The following KCNMA1 variants were observed in gnomAD, a reference collection of about 807,000 sequenced individuals.
The protein encoded by KCNMA1 is Calcium-activated potassium channel subunit alpha-1.
In KCNMA1, 29 loss-of-function variants were observed where a neutral mutation model predicts 140.0. The observed-to-expected ratio is 0.21, with a 90% CI of 0.15 to 0.28. The LOEUF is 0.28. Ranked by LOEUF, KCNMA1 falls within the 10% of genes least tolerant of loss-of-function variation. The probability of loss-of-function intolerance (pLI) is 1.00; values close to 1 mark genes in which losing one functional copy is unlikely to be tolerated. For synonymous variants in KCNMA1, 612 were observed against 611.9 expected, an observed-to-expected ratio of 1.00 and a Z score of 0.00; for missense variants, 880 against 1,602.2, an observed-to-expected ratio of 0.55 and a Z score of 7.70.
At position 77,041,673 on chromosome 10, in the gene KCNMA1, A is replaced by T. The variant is rs1425338534; in HGVS notation, c.1750-2036T>A. On this transcript the variant is annotated intron_variant, in intron 14 of 27. Coordinates refer to ENST00000286628, the MANE Select transcript of KCNMA1 (RefSeq NM_001161352.2). ...GTTGAGCCGCTATGGGAGCTTAGGG[A>T]TCTCACAGGCCTCCCTGAGGGAAGG... is the stretch of plus-strand genomic sequence containing the variant. 2.0e-5 allele frequency among the ~76,000 whole-genome samples: 3 copies of T among 152,170 alleles called. No homozygotes were observed. The East Asian group carries it at 5.8e-4, about 29-fold the overall frequency.
chr10:77,556,490 G>A (rs1254498713), intron 1 of KCNMA1, among the ~76,000 whole-genome samples: 1 of 123,018 alleles, frequency 8.1e-6, no homozygotes, highest in Admixed American at 9.1e-5. Context: ...GGACAACAGA[G>A]TGGGACTATC....
chr10:77,287,326 CA>C (rs1212791853), intron 2 of KCNMA1, among the ~76,000 whole-genome samples: 2 of 152,226 alleles, frequency 1.3e-5, no homozygotes, highest in Non-Finnish European at 2.9e-5. Flanking sequence ...GCCCCATACA[CA>C]ATCCTCATGT....
At chr10:77,012,312 C>G in intron 17 of KCNMA1, 1 of 1,464,882 alleles carries the variant, frequency 6.8e-7, no homozygotes, top group Non-Finnish European at 9.0e-7. Context: ...ATGTGACACA[C>G]TGTGTCTGCT....
chr10:77,167,859 T>C (rs2098660805), intron 5 of KCNMA1, among the ~76,000 whole-genome samples: 1 of 152,002 alleles, frequency 6.6e-6, no homozygotes. Context: ...ATTTTTGTAT[T>C]TTTTGTAGAG....
chr10:77,478,040 C>G (rs762289644), intron 1 of KCNMA1, among the ~76,000 whole-genome samples: 1 of 152,202 alleles, frequency 6.6e-6, no homozygotes, highest in Non-Finnish European at 1.5e-5. Context: ...TAATTCTATG[C>G]CATTTTGTTG....
At chr10:77,070,419 T>C (rs558863776) in intron 14 of KCNMA1, among the ~76,000 whole-genome samples, 1 of 152,320 alleles carries the variant, frequency 6.6e-6, no homozygotes, top group South Asian at 2.1e-4. Context: ...ACAGGGGTTC[T>C]GCCGCACCAA....
At chr10:77,379,973 G>T (rs1254456824) in intron 2 of KCNMA1, among the ~76,000 whole-genome samples, 1 of 152,140 alleles carries the variant, frequency 6.6e-6, no homozygotes, top group Non-Finnish European at 1.5e-5. Context: ...TCTCATAGTA[G>T]GGATATGAGG....
At chr10:77,268,829 G>T (rs1044095287) in intron 2 of KCNMA1, among the ~76,000 whole-genome samples, 2 of 152,130 alleles carry the variant, frequency 1.3e-5, no homozygotes, top group African/African-American at 4.8e-5. Flanking sequence ...GACAGAGAGG[G>T]TGTCTCTGCA....
At chr10:77,000,399 C>T (rs2085847461) in intron 19 of KCNMA1, among the ~76,000 whole-genome samples, 1 of 152,176 alleles carries the variant, frequency 6.6e-6, no homozygotes, top group Non-Finnish European at 1.5e-5. Context: ...TCAGGAACTT[C>T]ACTTATGAAC....
intron 20 of KCNMA1, among the ~76,000 whole-genome samples, chr10:76,966,209 T>C (rs1426371585): frequency 1.3e-5 from 2 of 152,336 alleles, no homozygotes; most frequent in African/African-American, 2.4e-5. Flanking sequence ...GAGAAAAAGA[T>C]TAAAAGCAGG....
At chr10:77,627,410 C>A (rs988616594) in intron 1 of KCNMA1, among the ~76,000 whole-genome samples, 1 of 152,178 alleles carries the variant, frequency 6.6e-6, no homozygotes, top group African/African-American at 2.4e-5. Flanking sequence ...AGCCTCCAGT[C>A]ACAGCTGCTG....
At chr10:77,371,325 T>C (rs1436193652) in intron 2 of KCNMA1, among the ~76,000 whole-genome samples, 1 of 152,134 alleles carries the variant, frequency 6.6e-6, no homozygotes, top group African/African-American at 2.4e-5. Flanking sequence ...TCCACACTCC[T>C]TTCCTGTGCC....
Position 77,551,881 on chromosome 10 carries a change from A to C in KCNMA1, c.378+85384T>G, listed in dbSNP as rs1409815057. On this transcript the variant is annotated intron_variant, in intron 1 of 27. Coordinates refer to ENST00000286628, the MANE Select transcript of KCNMA1 (RefSeq NM_001161352.2). ...ACCACTCTTGGAAGCAGATTTCCAC[A>C]AAGGGGACCGTACAGTTCTAAGCTT... is the stretch of plus-strand genomic sequence containing the variant. Among the ~76,000 whole-genome samples the C allele has an allele frequency of 3.9e-5, 6 of 152,306 alleles. No individual in the cohort carries two copies. The East Asian group carries it at 1.2e-3, about 29-fold the overall frequency.
At chr10:77,635,554 T>C (rs1356090) in intron 1 of KCNMA1, 27,519 of 151,986 alleles carry the variant, frequency 0.18, 3,107 homozygotes, top group East Asian at 0.54. Context: ...AGGAGAAGGA[T>C]GGAGAGAGGG....
At chr10:77,304,229 GC>G (rs1388765886) in intron 2 of KCNMA1, among the ~76,000 whole-genome samples, 7 of 152,336 alleles carry the variant, frequency 4.6e-5, no homozygotes, top group African/African-American at 1.7e-4. Context: ...TACTAGGGAG[GC>G]CCCTGAGAAA....
intron 1 of KCNMA1, among the ~76,000 whole-genome samples, chr10:77,437,392 G>A (rs1004734740): frequency 1.3e-5 from 2 of 152,190 alleles, no homozygotes; most frequent in African/African-American, 4.8e-5. Context: ...GTGATTGAAA[G>A]CATTTCTAAA....
intron 1 of KCNMA1, among the ~76,000 whole-genome samples, chr10:77,480,955 C>CA (rs11288201): frequency 0.015 from 1,807 of 122,892 alleles, 35 homozygotes; most frequent in African/African-American, 0.045. Flanking sequence ...ACTAAAAATA[C>CA]AAAAAAAAAA....
chr10:77,022,842 T>A, intron 16 of KCNMA1: 1 of 349,190 alleles, frequency 2.9e-6, no homozygotes, highest in Non-Finnish European at 6.0e-6. Flanking sequence ...TGACCACACC[T>A]CTGCTAGGGC....
At chr10:76,954,272 C>CAT (rs2067338198) in intron 20 of KCNMA1, among the ~76,000 whole-genome samples, 1 of 137,132 alleles carries the variant, frequency 7.3e-6, no homozygotes, top group Non-Finnish European at 1.6e-5. Context: ...CCAGCGTGCA[C>CAT]ACACACACAC....
Sources: allele counts gnomAD v4.1 joint callset (sites outside exome capture counted in the v4.1 genomes callset), GRCh38; gene constraint gnomAD v4.1.1; transcripts MANE v1.5; gene names NCBI Gene and HGNC (gene_info 2026-07-23, HGNC 2026-07-21).